The following PRSS3 variants were observed in gnomAD, a reference collection of about 807,000 sequenced individuals.
PRSS3 encodes the protein serine protease 3, also known as trypsin-3.
PRSS3 carries 14 observed loss-of-function variants against 20.8 expected under a neutral mutation model. The observed-to-expected ratio is 0.67, with a 90% CI of 0.44 to 1.05. The LOEUF is 1.05. Among genes scored for constraint, PRSS3 ranks in the 50% least tolerant of loss-of-function variants. PRSS3 has a pLI of 0.00. For synonymous variants in PRSS3, 91 were observed against 117.6 expected, an observed-to-expected ratio of 0.77 and a Z score of 1.46; for missense variants, 237 against 306.4, an observed-to-expected ratio of 0.77 and a Z score of 1.69.
intron 1 of PRSS3, among the ~76,000 whole-genome samples, chr9:33,758,738 C>G (rs573719184): frequency 6.6e-6 from 1 of 152,250 alleles, no homozygotes; most frequent in African/African-American, 2.4e-5. Context: ...GCTCTAAGAA[C>G]TGTACGAAAA....
At chr9:33,767,710 A>G (rs1273373255) in intron 1 of PRSS3, among the ~76,000 whole-genome samples, 1 of 152,190 alleles carries the variant, frequency 6.6e-6, no homozygotes, top group East Asian at 1.9e-4. Flanking sequence ...CTGTAATCCC[A>G]GCTACTCAGG....
intron 1 of PRSS3, among the ~76,000 whole-genome samples, chr9:33,781,421 C>T (rs1029165173): frequency 2.0e-5 from 3 of 152,172 alleles, no homozygotes; most frequent in African/African-American, 4.8e-5. Context: ...TAAATTAATG[C>T]AGGAACAGAA....
intron 4 of PRSS3, 43 bp downstream of exon 4, chr9:33,798,665 A>C: frequency 6.2e-7 from 1 of 1,613,332 alleles, no homozygotes; most frequent in Non-Finnish European, 8.5e-7. Context: ...ACCGATACCC[A>C]GGCCCCACCG....
chr9:33,753,546 C>T (rs546249766), intron 1 of PRSS3, among the ~76,000 whole-genome samples: 1 of 152,308 alleles, frequency 6.6e-6, no homozygotes, highest in East Asian at 1.9e-4. Flanking sequence ...TGACAGCAAA[C>T]ATAACCTCCC....
At chr9:33,785,912 C>T (rs890979995) in intron 1 of PRSS3, 11 of 167,084 alleles carry the variant, frequency 6.6e-5, no homozygotes, top group Non-Finnish European at 1.4e-4. Context: ...CAGTTCTGCA[C>T]CCCACTTTTT....
chr9:33,755,493 T>C (rs934927212), intron 1 of PRSS3, among the ~76,000 whole-genome samples: 6 of 152,174 alleles, frequency 3.9e-5, no homozygotes, highest in Non-Finnish European at 5.9e-5. Context: ...CCAAGAAGGA[T>C]GACGGTTTGC....
intron 1 of PRSS3, among the ~76,000 whole-genome samples, chr9:33,751,431 C>G (rs929215640): frequency 2.0e-5 from 3 of 152,062 alleles, no homozygotes; most frequent in African/African-American, 7.2e-5. Context: ...TGTCTAGGGC[C>G]AGAGAAACAA....
At chr9:33,789,624 T>A (rs902365918) in intron 1 of PRSS3, among the ~76,000 whole-genome samples, 1 of 152,136 alleles carries the variant, frequency 6.6e-6, no homozygotes, top group African/African-American at 2.4e-5. Context: ...GTGTACTAAT[T>A]CTCCAGGTCA....
In PRSS3 at chr9:33,786,399, C is replaced by G; in HGVS notation, c.-52-8347C>G. On this transcript the variant is annotated intron_variant, in intron 1 of 5. Coordinates refer to the PRSS3 transcript ENST00000342836. ...TAAAGGACCATAACAGAGTAATTGT[C>G]GGCACAATAAAAAGGAGGCAGTGCC... 6.0e-6 allele frequency: 4 copies of G among 662,614 alleles called. No individual in the cohort carries two copies. The South Asian group carries it at 7.1e-5, about 12-fold the overall frequency. The allele number at this position is 662,614 out of a possible 1,614,324, so 41.0% of individuals were successfully genotyped here. A position where few individuals can be genotyped will look rare whatever the true frequency, so the allele number is the denominator to read the frequency against.
chr9:33,779,770 G>A (rs2118982694), intron 1 of PRSS3, among the ~76,000 whole-genome samples: 1 of 149,148 alleles, frequency 6.7e-6, no homozygotes, highest in Non-Finnish European at 1.5e-5. Context: ...TCGGGAGGCT[G>A]AGGCAGGAGA....
intron 1 of PRSS3, among the ~76,000 whole-genome samples, chr9:33,784,799 C>A (rs1204544788): frequency 6.6e-6 from 1 of 152,174 alleles, no homozygotes; most frequent in Non-Finnish European, 1.5e-5. Context: ...TTGTACTTTA[C>A]TAAGGCACAG....
In PRSS3 at chr9:33,763,372, C is replaced by T. The variant is rs182864965; in HGVS notation, c.-53+12645C>T. Among the ~76,000 whole-genome samples the T allele has an allele frequency of 4.4e-3, 668 of 152,282 alleles. 20 individuals are homozygous for T. Among genetic ancestry groups the T allele is most frequent in the Admixed American group, 0.039 (591 of 15,292 alleles). ...AATTTTAAGATTTAATGCATTCTATCCATGCAAGAGAATTACATGTGGTTT... is the reference window on the plus strand; with the variant it reads ...AATTTTAAGATTTAATGCATTCTATTCATGCAAGAGAATTACATGTGGTTT... On this transcript the variant is annotated intron_variant, in intron 1 of 5. Transcript: ENST00000342836.
chr9:33,776,349 A>C (rs934527979), intron 1 of PRSS3, among the ~76,000 whole-genome samples: 5 of 152,248 alleles, frequency 3.3e-5, no homozygotes, highest in African/African-American at 9.6e-5. Context: ...AAGGGAGAGA[A>C]AAAAATATTG....
intron 1 of PRSS3, among the ~76,000 whole-genome samples, chr9:33,757,475 T>C (rs1238212820): frequency 9.2e-5 from 1 of 10,876 alleles, no homozygotes; most frequent in Admixed American, 9.9e-4. Flanking sequence ...CAGATTCATC[T>C]TTTTTTTTTT....
intron 1 of PRSS3, among the ~76,000 whole-genome samples, chr9:33,753,761 A>C (rs1822802416): frequency 6.6e-6 from 1 of 152,258 alleles, no homozygotes; most frequent in Admixed American, 6.5e-5. Context: ...AAAGTATGAC[A>C]TGTCATTAGA....
intron 1 of PRSS3, among the ~76,000 whole-genome samples, chr9:33,780,975 T>C (rs1332111916): frequency 1.3e-5 from 2 of 152,190 alleles, no homozygotes; most frequent in African/African-American, 4.8e-5. Flanking sequence ...AGACAGATCA[T>C]TGAGGCAGAA....
intron 1 of PRSS3, among the ~76,000 whole-genome samples, chr9:33,759,532 G>A (rs1397567750): frequency 6.6e-6 from 1 of 152,120 alleles, no homozygotes; most frequent in Non-Finnish European, 1.5e-5. Flanking sequence ...CCAGGATTCT[G>A]GCTTTCTGGG....
chr9:33,761,660 C>G (rs1823213264), intron 1 of PRSS3, among the ~76,000 whole-genome samples: 1 of 151,914 alleles, frequency 6.6e-6, no homozygotes, highest in Non-Finnish European at 1.5e-5. Context: ...GAGCTGAGAT[C>G]ACGCCATTGC....
chr9:33,798,387 A>T, intron 3 of PRSS3, 99 bp from the exon 4 acceptor site: 1 of 1,446,468 alleles, frequency 6.9e-7, no homozygotes, highest in Non-Finnish European at 9.4e-7. Context: ...TCCTCTCCAG[A>T]GGCAGTGTTC....
Sources: gnomAD v4.1 joint callset for allele counts (sites outside exome capture counted in the v4.1 genomes callset) on GRCh38, gnomAD v4.1.1 for gene constraint, MANE v1.5 for transcripts, NCBI Gene and HGNC (gene_info 2026-07-23, HGNC 2026-07-21) for gene names.